RGS8: variants seen among roughly 807,000 people sequenced by gnomAD.
RGS8 encodes the protein regulator of G-protein signaling 8.
A neutral mutation model predicts 21.7 loss-of-function variants in RGS8; 8 were observed. The observed-to-expected ratio is 0.37, with a 90% confidence interval of 0.22 to 0.66. The LOEUF (loss-of-function observed/expected upper bound fraction) is 0.66, where lower values mean the gene tolerates loss of function less well. Among genes scored for constraint, RGS8 ranks in the 30% least tolerant of loss-of-function variants. RGS8 has a pLI of 0.59. For missense variants in RGS8, 157 were observed against 217.9 expected, an observed-to-expected ratio of 0.72 and a Z score of 1.76; for synonymous variants, 80 against 83.6, an observed-to-expected ratio of 0.96 and a Z score of 0.24.
upstream of RGS8, among the ~76,000 whole-genome samples, chr1:182,677,428 A>G (rs1339870652): frequency 6.6e-6 from 1 of 152,200 alleles, no homozygotes; most frequent in African/African-American, 2.4e-5. Flanking sequence ...TAAATTTCCT[A>G]CTACTTCCTC....
upstream of RGS8, among the ~76,000 whole-genome samples, chr1:182,689,451 C>T (rs1664776823): frequency 6.6e-6 from 1 of 152,118 alleles, no homozygotes; most frequent in Admixed American, 6.5e-5. Context: ...CTCTCCTATA[C>T]AGTATTATCT....
chr1:182,739,475 G>A, the RGS8 span, among the ~76,000 whole-genome samples: 1 of 152,182 alleles, frequency 6.6e-6, no homozygotes, highest in South Asian at 2.1e-4. Context: ...GCAGTCACAG[G>A]CATACACACA....
the RGS8 span, among the ~76,000 whole-genome samples, chr1:182,694,850 A>G: frequency 6.6e-6 from 1 of 152,104 alleles, no homozygotes; most frequent in Non-Finnish European, 1.5e-5. Context: ...ATCACTTTAT[A>G]AAATAAAGAA....
Position 182,679,973 on chromosome 1 carries a change from C to T in RGS8, n.221+4383G>A, listed in dbSNP as rs140893681. Among the ~76,000 whole-genome samples the T allele has an allele frequency of 5.4e-3, 827 of 152,156 alleles. 6 individuals carry two copies. The highest frequency in any genetic ancestry group is 0.019 in the African/African-American group (783 of 41,500). On this transcript the variant is annotated intron_variant and non_coding_transcript_variant, in intron 1 of 4. Coordinates refer to the RGS8 transcript ENST00000515211. ...CCTTTCTCTCATCTCCTGTCGACAA[C>T]CAATTACCAAATCATACTGATTAAA...
At chr1:182,740,449 G>A in the RGS8 span, among the ~76,000 whole-genome samples, 3 of 151,114 alleles carry the variant, frequency 2.0e-5, no homozygotes, top group South Asian at 2.1e-4. Flanking sequence ...TTACCAATGA[G>A]CAAAACTGAG....
intron 1 of RGS8, among the ~76,000 whole-genome samples, chr1:182,683,331 C>G (rs1664598712): frequency 6.6e-6 from 1 of 152,166 alleles, no homozygotes; most frequent in African/African-American, 2.4e-5. Flanking sequence ...TAACTGTAAC[C>G]AAGAACTACT....
chr1:182,720,127 T>C, the RGS8 span, among the ~76,000 whole-genome samples: 1 of 152,252 alleles, frequency 6.6e-6, no homozygotes, highest in Non-Finnish European at 1.5e-5. Context: ...TTCCAAAAGA[T>C]AAAATTGACC....
chr1:182,750,587 T>C, the RGS8 span, among the ~76,000 whole-genome samples: 1 of 152,240 alleles, frequency 6.6e-6, no homozygotes, highest in Non-Finnish European at 1.5e-5. Flanking sequence ...AACTTGTTTG[T>C]TGAGGGTTCC....
At chr1:182,647,036 C>T in intron 6 of RGS8, 119 bp from the exon 8 acceptor site, 1 of 888,370 alleles carries the variant, frequency 1.1e-6, no homozygotes, top group Non-Finnish European at 1.7e-6. Flanking sequence ...GTGATTTCTG[C>T]TTTTCAAATT....
intron 3 of RGS8, among the ~76,000 whole-genome samples, chr1:182,669,352 C>T (rs1443434730): frequency 2.0e-5 from 3 of 152,202 alleles, no homozygotes; most frequent in Admixed American, 2.0e-4. Flanking sequence ...CATGCACAGT[C>T]CCTCATCCCA....
the RGS8 span, among the ~76,000 whole-genome samples, chr1:182,738,659 C>T: frequency 6.6e-6 from 1 of 152,092 alleles, no homozygotes. Context: ...GGAGTCAGAA[C>T]ATGAGGGAAT....
At chr1:182,734,394 C>T in the RGS8 span, 1 of 152,178 alleles carries the variant, frequency 6.6e-6, no homozygotes, top group Non-Finnish European at 1.5e-5. Flanking sequence ...CAGAAAGTAG[C>T]TTTACAAGAA....
At chr1:182,750,042 T>C in the RGS8 span, among the ~76,000 whole-genome samples, 1 of 152,216 alleles carries the variant, frequency 6.6e-6, no homozygotes, top group Admixed American at 6.5e-5. Flanking sequence ...TTAATATACA[T>C]AAAAGTTCTC....
upstream of RGS8, among the ~76,000 whole-genome samples, chr1:182,673,734 C>A (rs141979724): frequency 6.6e-6 from 1 of 152,304 alleles, no homozygotes; most frequent in African/African-American, 2.4e-5. Context: ...GGGTTTAGAA[C>A]TTAAGCAGAA....
At chr1:182,698,413 G>T in the RGS8 span, among the ~76,000 whole-genome samples, 1 of 152,164 alleles carries the variant, frequency 6.6e-6, no homozygotes, top group Non-Finnish European at 1.5e-5. Flanking sequence ...CTCAGTTTCT[G>T]CATCTGTAAA....
chr1:182,687,782 G>A (rs763849570), upstream of RGS8, among the ~76,000 whole-genome samples: 14 of 152,190 alleles, frequency 9.2e-5, no homozygotes, highest in Non-Finnish European at 1.9e-4. Context: ...TGGCTGAGAA[G>A]GAAAAGGGAG....
At chr1:182,646,682 T>G (rs1662715966) in exon 7 of RGS8, 7 of 1,499,150 alleles carry the variant, frequency 4.7e-6, no homozygotes, top group Non-Finnish European at 6.4e-6. Context: ...AATATGATCT[T>G]GGCAGCAAGT....
At chr1:182,701,939 C>A in the RGS8 span, among the ~76,000 whole-genome samples, 1 of 152,248 alleles carries the variant, frequency 6.6e-6, no homozygotes, top group South Asian at 2.1e-4. Context: ...AAACAACAGA[C>A]GCTGGTGAGG....
chr1:182,680,622 G>GTTCATTCATTCA (rs71297858), intron 1 of RGS8, among the ~76,000 whole-genome samples: 184 of 150,976 alleles, frequency 1.2e-3, no homozygotes, highest in African/African-American at 1.4e-3. Flanking sequence ...GAAAGCATGG[G>GTTCATTCATTCA]TTCATTCATT....
Sources: gnomAD v4.1 joint callset for allele counts (sites outside exome capture counted in the v4.1 genomes callset) on GRCh38, gnomAD v4.1.1 for gene constraint, MANE v1.5 for transcripts, NCBI Gene and HGNC (gene_info 2026-07-23, HGNC 2026-07-21) for gene names.